Variants in TENM3 observed in about 807,000 individuals in gnomAD.
The protein encoded by TENM3 is teneurin transmembrane protein 3.
TENM3 carries 63 observed loss-of-function variants against 255.1 expected under a neutral mutation model. That is an observed-to-expected ratio of 0.25 (90% CI 0.20 to 0.30). The LOEUF (loss-of-function observed/expected upper bound fraction) is 0.30. Ranked by LOEUF, TENM3 falls within the 10% of genes least tolerant of loss-of-function variation. TENM3 has a pLI of 1.00. For missense variants in TENM3, 2,929 were observed against 3,461.1 expected (o/e 0.85, Z 3.86); for synonymous variants, 1,306 against 1,322.3 (o/e 0.99, Z 0.27).
At chr4:181,685,472 T>C in the TENM3 span, among the ~76,000 whole-genome samples, 1 of 152,206 alleles carries the variant, frequency 6.6e-6, no homozygotes, top group Admixed American at 6.5e-5. Flanking sequence ...ATTACATTTG[T>C]AATGTTTGGT....
chr4:182,608,618 G>A (rs1342934319), intron 4 of TENM3, among the ~76,000 whole-genome samples: 1 of 152,166 alleles, frequency 6.6e-6, no homozygotes, highest in Admixed American at 6.5e-5. Flanking sequence ...GCTTGCTGCA[G>A]CCGCCCGGTC....
chr4:181,738,595 A>C, the TENM3 span, among the ~76,000 whole-genome samples: 1 of 151,948 alleles, frequency 6.6e-6, no homozygotes, highest in Admixed American at 6.6e-5. Flanking sequence ...TAGTGTTTTG[A>C]TTGTTCGTAG....
chr4:182,340,506 AC>A (rs1309882146), intron 2 of TENM3, among the ~76,000 whole-genome samples: 24 of 152,028 alleles, frequency 1.6e-4, no homozygotes, highest in Non-Finnish European at 3.2e-4. Flanking sequence ...AGTTTCTTAA[AC>A]CTGTTTTTTG....
At chr4:182,551,449 C>T (rs1371515824) in intron 3 of TENM3, among the ~76,000 whole-genome samples, 2 of 151,978 alleles carry the variant, frequency 1.3e-5, no homozygotes, top group Non-Finnish European at 2.9e-5. Context: ...GAAATAAATA[C>T]ATGGTCAATT....
the TENM3 span, among the ~76,000 whole-genome samples, chr4:181,613,685 A>G: frequency 6.6e-6 from 1 of 152,202 alleles, no homozygotes; most frequent in Non-Finnish European, 1.5e-5. Flanking sequence ...TGAGGGTGAA[A>G]TAACGTAAAA....
At chr4:181,717,324 G>A in the TENM3 span, among the ~76,000 whole-genome samples, 1 of 152,144 alleles carries the variant, frequency 6.6e-6, no homozygotes, top group Admixed American at 6.6e-5. Flanking sequence ...AGAGAAAATT[G>A]CAGGAGATGA....
chr4:181,827,633 T>C, the TENM3 span, among the ~76,000 whole-genome samples: 2 of 152,226 alleles, frequency 1.3e-5, no homozygotes, highest in South Asian at 2.1e-4. Context: ...AAACAGACTA[T>C]CATTTCAATC....
chr4:182,146,702 C>T (rs1253194387), intron 1 of TENM3, among the ~76,000 whole-genome samples: 3 of 152,124 alleles, frequency 2.0e-5, no homozygotes, highest in African/African-American at 7.2e-5. Context: ...TGTAGTTGTA[C>T]TAATCACCAT....
At chr4:182,219,907 G>A (rs1395641546) in intron 1 of TENM3, among the ~76,000 whole-genome samples, 1 of 152,198 alleles carries the variant, frequency 6.6e-6, no homozygotes, top group Admixed American at 6.5e-5. Flanking sequence ...TGTTTGGCAA[G>A]ATTGTACTTA....
chr4:181,461,994 C>A, the TENM3 span, among the ~76,000 whole-genome samples: 1 of 152,124 alleles, frequency 6.6e-6, no homozygotes, highest in Non-Finnish European at 1.5e-5. Context: ...TCCTTTCCAA[C>A]AAAAGTATTG....
the TENM3 span, chr4:181,820,329 A>C: frequency 6.6e-6 from 1 of 152,054 alleles, no homozygotes; most frequent in East Asian, 1.9e-4. Flanking sequence ...AAGAAATTTT[A>C]TTTTTCTTAA....
chr4:182,318,447 C>T (rs572944035), intron 1 of TENM3, among the ~76,000 whole-genome samples: 37 of 152,248 alleles, frequency 2.4e-4, no homozygotes, highest in African/African-American at 8.9e-4. Context: ...GATGTCATTA[C>T]ATCATTACAT....
chr4:181,977,354 G>T, the TENM3 span, among the ~76,000 whole-genome samples: 1 of 152,212 alleles, frequency 6.6e-6, no homozygotes, highest in East Asian at 1.9e-4. Flanking sequence ...TAAGTTAAAA[G>T]TCTCACAGCT....
intron 3 of TENM3, among the ~76,000 whole-genome samples, chr4:182,362,619 C>T (rs1300924959): frequency 3.3e-5 from 5 of 152,102 alleles, no homozygotes; most frequent in South Asian, 2.1e-4. Flanking sequence ...TTCCAGGTGC[C>T]GTCTGTCACC....
At chr4:181,882,038 C>T in the TENM3 span, among the ~76,000 whole-genome samples, 1 of 152,188 alleles carries the variant, frequency 6.6e-6, no homozygotes, top group Admixed American at 6.5e-5. Flanking sequence ...GGTGAAAATA[C>T]TCAAGTGTAA....
the TENM3 span, among the ~76,000 whole-genome samples, chr4:181,700,924 AAGG>A: frequency 4.2e-4 from 64 of 152,310 alleles, no homozygotes; most frequent in Non-Finnish European, 5.6e-4. Context: ...TATTTTTAGT[AAGG>A]AGTATTGTCA....
At chr4:181,688,227 G>A in the TENM3 span, among the ~76,000 whole-genome samples, 7 of 152,102 alleles carry the variant, frequency 4.6e-5, no homozygotes, top group Admixed American at 1.3e-4. Flanking sequence ...TCTAACCAGA[G>A]CAAAGGTATT....
chr4:181,907,814 G>T, the TENM3 span, among the ~76,000 whole-genome samples: 1 of 152,094 alleles, frequency 6.6e-6, no homozygotes, highest in African/African-American at 2.4e-5. Context: ...TGAATGAGTA[G>T]AAAGGTACCT....
the TENM3 span, among the ~76,000 whole-genome samples, chr4:181,700,822 G>A: frequency 3.9e-5 from 6 of 152,274 alleles, no homozygotes; most frequent in East Asian, 5.8e-4. Context: ...AAACTGGGGC[G>A]GAGGAACATT....
Sources: gnomAD v4.1 joint callset for allele counts (sites outside exome capture counted in the v4.1 genomes callset) on GRCh38, gnomAD v4.1.1 for gene constraint, MANE v1.5 for transcripts, NCBI Gene and HGNC (gene_info 2026-07-23, HGNC 2026-07-21) for gene names.